Variants in LRRC4C observed in about 807,000 individuals in gnomAD.
LRRC4C encodes the protein leucine-rich repeat-containing protein 4C.
A neutral mutation model predicts 33.6 loss-of-function variants in LRRC4C; 5 were observed. That is an observed-to-expected ratio of 0.15 (90% CI 0.08 to 0.31). LRRC4C has a LOEUF of 0.31. Ranked by LOEUF, LRRC4C falls within the 10% of genes least tolerant of loss-of-function variation. The pLI is 1.00. For missense variants in LRRC4C, 560 were observed against 796.7 expected, an observed-to-expected ratio of 0.70 and a Z score of 3.58; for synonymous variants, 329 against 302.0, an observed-to-expected ratio of 1.09 and a Z score of -0.93.
At chr11:40,285,743 A>G (rs1286279979) in intron 4 of LRRC4C, among the ~76,000 whole-genome samples, 1 of 152,178 alleles carries the variant, frequency 6.6e-6, no homozygotes, top group African/African-American at 2.4e-5. Context: ...AACTGCAGAC[A>G]TCTCAAGCCC....
chr11:40,774,087 C>G (rs572157193), intron 2 of LRRC4C, among the ~76,000 whole-genome samples: 482 of 152,120 alleles, frequency 3.2e-3, no homozygotes, highest in Non-Finnish European at 4.8e-3. Context: ...TAAATATTTT[C>G]TATAAATAGA....
chr11:41,212,977 AGGTTTAT>A (rs1388300188), intron 1 of LRRC4C, among the ~76,000 whole-genome samples: 1 of 152,226 alleles, frequency 6.6e-6, no homozygotes, highest in African/African-American at 2.4e-5. Flanking sequence ...GCTAAGAAGT[AGGTTTAT>A]GACCTGGGAC....
At chr11:40,667,984 A>G (rs957000446) in intron 2 of LRRC4C, among the ~76,000 whole-genome samples, 5 of 152,244 alleles carry the variant, frequency 3.3e-5, no homozygotes, top group African/African-American at 1.2e-4. Flanking sequence ...ACTTTGGGTT[A>G]TCAGTGGTTT....
At chr11:40,185,713 G>T (rs886066944) in intron 5 of LRRC4C, among the ~76,000 whole-genome samples, 1 of 152,102 alleles carries the variant, frequency 6.6e-6, no homozygotes, top group African/African-American at 2.4e-5. Flanking sequence ...AGCACGAGAG[G>T]GGTGAAGAAA....
intron 1 of LRRC4C, among the ~76,000 whole-genome samples, chr11:41,330,597 G>A (rs1028804798): frequency 6.6e-5 from 10 of 151,936 alleles, no homozygotes; most frequent in Admixed American, 1.3e-4. Flanking sequence ...TTGAGACAGG[G>A]TCTCCCAGTC....
chr11:40,801,816 T>TC lies in LRRC4C; in HGVS notation c.-407+131818dup, dbSNP rs920614108. 1.1e-4 allele frequency among the ~76,000 whole-genome samples: 16 copies of TC among 152,162 alleles called. No individual in the cohort carries two copies. In the East Asian group the frequency reaches 1.9e-3, roughly 18 times the overall value. ...GATGGCTAAATAAATGAATGAAAACTCCCCAAAGTTACAAATCATGGCATG... is the reference window on the plus strand; with the variant it reads ...GATGGCTAAATAAATGAATGAAAACTCCCCCAAAGTTACAAATCATGGCATG... On this transcript the variant is annotated intron_variant, in intron 2 of 6. Coordinates refer to ENST00000528697, the MANE Select transcript of LRRC4C (RefSeq NM_001258419.2).
intron 5 of LRRC4C, among the ~76,000 whole-genome samples, chr11:40,218,506 G>A (rs979402146): frequency 6.6e-5 from 10 of 152,116 alleles, no homozygotes; most frequent in African/African-American, 2.2e-4. Flanking sequence ...ACCAGCCTCC[G>A]CATCAACAAA....
chr11:41,324,677 C>T (rs1468376789), intron 1 of LRRC4C, among the ~76,000 whole-genome samples: 2 of 152,128 alleles, frequency 1.3e-5, no homozygotes, highest in African/African-American at 4.8e-5. Context: ...CCAAAATTGT[C>T]ATAAAGCCTA....
intron 1 of LRRC4C, among the ~76,000 whole-genome samples, chr11:41,406,423 T>G (rs1008631262): frequency 5.3e-4 from 80 of 152,260 alleles, no homozygotes; most frequent in African/African-American, 1.9e-3. Flanking sequence ...AAGTTGATTT[T>G]CAATTAAGAT....
At chr11:40,244,249 TGAA>T (rs998752032) in intron 4 of LRRC4C, among the ~76,000 whole-genome samples, 14 of 152,060 alleles carry the variant, frequency 9.2e-5, no homozygotes, top group African/African-American at 3.4e-4. Context: ...CATGCTGAAC[TGAA>T]GAAGAAGCCT....
chr11:40,899,183 G>A (rs1168005367), intron 2 of LRRC4C, among the ~76,000 whole-genome samples: 2 of 151,986 alleles, frequency 1.3e-5, no homozygotes, highest in Non-Finnish European at 2.9e-5. Context: ...GCTGGAGTGA[G>A]GGACCATATT....
chr11:40,805,502 G>T (rs1464032263), intron 2 of LRRC4C, among the ~76,000 whole-genome samples: 2 of 151,870 alleles, frequency 1.3e-5, no homozygotes, highest in East Asian at 1.9e-4. Flanking sequence ...CTATTTTTAT[G>T]CAGTTCTGAG....
At chr11:40,127,103 C>T (rs537255742) in intron 6 of LRRC4C, among the ~76,000 whole-genome samples, 1 of 151,864 alleles carries the variant, frequency 6.6e-6, no homozygotes, top group Admixed American at 6.6e-5. Flanking sequence ...ATGGTGAAAC[C>T]CCGTCTCTAC....
intron 2 of LRRC4C, among the ~76,000 whole-genome samples, chr11:40,666,121 T>C (rs1192391897): frequency 6.6e-6 from 1 of 152,042 alleles, no homozygotes; most frequent in Non-Finnish European, 1.5e-5. Context: ...ACGGTACAGT[T>C]ATATGATGGA....
chr11:41,393,866 C>G (rs1302556647), intron 1 of LRRC4C, among the ~76,000 whole-genome samples: 1 of 151,960 alleles, frequency 6.6e-6, no homozygotes, highest in Non-Finnish European at 1.5e-5. Context: ...CAAGTGAATT[C>G]CATAACATCC....
intron 3 of LRRC4C, among the ~76,000 whole-genome samples, chr11:40,575,371 G>T (rs930651178): frequency 9.3e-5 from 14 of 149,896 alleles, no homozygotes; most frequent in Admixed American, 2.7e-4. Flanking sequence ...TTCGAAATTT[G>T]TCTGTTATTT....
At chr11:41,071,606 T>C (rs1332030275) in intron 1 of LRRC4C, among the ~76,000 whole-genome samples, 1 of 152,158 alleles carries the variant, frequency 6.6e-6, no homozygotes, top group African/African-American at 2.4e-5. Flanking sequence ...ACCCAAGAGC[T>C]CTGATAAAGA....
intron 1 of LRRC4C, among the ~76,000 whole-genome samples, chr11:41,113,846 G>C (rs1941977007): frequency 6.6e-6 from 1 of 151,862 alleles, no homozygotes; most frequent in African/African-American, 2.4e-5. Context: ...AACACATAAA[G>C]TGGCAGAAAA....
intron 1 of LRRC4C, among the ~76,000 whole-genome samples, chr11:41,407,129 G>A (rs1288163534): frequency 6.6e-6 from 1 of 152,032 alleles, no homozygotes; most frequent in Non-Finnish European, 1.5e-5. Flanking sequence ...AGGTCTTTCA[G>A]TGTCTATGGA....
Sources: gnomAD v4.1 joint callset for allele counts (sites outside exome capture counted in the v4.1 genomes callset) on GRCh38, gnomAD v4.1.1 for gene constraint, MANE v1.5 for transcripts, NCBI Gene and HGNC (gene_info 2026-07-23, HGNC 2026-07-21) for gene names.